RPS6KC1: variants seen among roughly 807,000 people sequenced by gnomAD.
The protein encoded by RPS6KC1 is inactive ribosomal protein S6 kinase delta-1.
RPS6KC1 carries 54 observed loss-of-function variants against 103.8 expected under a neutral mutation model. That is an observed-to-expected ratio of 0.52 (90% confidence interval 0.42 to 0.65). The LOEUF (loss-of-function observed/expected upper bound fraction) is 0.65, where lower values mean the gene tolerates loss of function less well. Ranked by LOEUF, RPS6KC1 falls within the 30% of genes least tolerant of loss-of-function variation. The probability of loss-of-function intolerance (pLI) is 0.00; values close to 1 mark genes in which losing one functional copy is unlikely to be tolerated. For missense variants in RPS6KC1, 1,151 were observed against 1,253.8 expected, an observed-to-expected ratio of 0.92 and a Z score of 1.24; for synonymous variants, 439 against 438.7, an observed-to-expected ratio of 1.00 and a Z score of -0.01.
the RPS6KC1 span, among the ~76,000 whole-genome samples, chr1:213,404,152 G>A: frequency 9.2e-5 from 14 of 152,168 alleles, no homozygotes; most frequent in Non-Finnish European, 2.1e-4. Context: ...AGTGAGTGGG[G>A]CCCACCTTGA....
At chr1:213,319,632 T>C in the RPS6KC1 span, among the ~76,000 whole-genome samples, 2 of 152,302 alleles carry the variant, frequency 1.3e-5, no homozygotes, top group South Asian at 2.1e-4. Flanking sequence ...CACTGGATGG[T>C]TGGGAAATTT....
the RPS6KC1 span, among the ~76,000 whole-genome samples, chr1:213,682,250 T>G: frequency 2.0e-5 from 3 of 152,226 alleles, no homozygotes; most frequent in Non-Finnish European, 2.9e-5. Flanking sequence ...TCAAAGTCCA[T>G]TCTTCTCCGT....
chr1:213,371,071 A>C, the RPS6KC1 span, among the ~76,000 whole-genome samples: 2 of 152,156 alleles, frequency 1.3e-5, no homozygotes, highest in Non-Finnish European at 2.9e-5. Context: ...TCCTTCTTGC[A>C]CAACTGCAAC....
At chr1:213,618,628 C>T in the RPS6KC1 span, among the ~76,000 whole-genome samples, 27 of 152,244 alleles carry the variant, frequency 1.8e-4, no homozygotes, top group East Asian at 1.2e-3. Flanking sequence ...GTGGCCTTTC[C>T]GCAACCTTCT....
chr1:213,268,249 A>C (rs912839830), intron 14 of RPS6KC1, among the ~76,000 whole-genome samples: 1 of 151,988 alleles, frequency 6.6e-6, no homozygotes, highest in South Asian at 2.1e-4. Flanking sequence ...AAAAACATGG[A>C]GATCAGAAGA....
At chr1:213,169,448 A>C (rs994504734) in intron 7 of RPS6KC1, among the ~76,000 whole-genome samples, 1 of 152,208 alleles carries the variant, frequency 6.6e-6, no homozygotes, top group Non-Finnish European at 1.5e-5. Context: ...ATTGTGAATT[A>C]CTGCGACTCT....
At chr1:213,699,057 C>G in the RPS6KC1 span, among the ~76,000 whole-genome samples, 7,923 of 152,140 alleles carry the variant, frequency 0.052, 293 homozygotes, top group Middle Eastern at 0.14. Context: ...TACAAACAGT[C>G]CAATTATACT....
chr1:213,678,284 C>T, the RPS6KC1 span, among the ~76,000 whole-genome samples: 1 of 152,320 alleles, frequency 6.6e-6, no homozygotes, highest in African/African-American at 2.4e-5. Context: ...TGTTCAGAAG[C>T]TTGCAGACAC....
chr1:213,706,422 A>G, the RPS6KC1 span, among the ~76,000 whole-genome samples: 3 of 152,142 alleles, frequency 2.0e-5, no homozygotes, highest in Non-Finnish European at 4.4e-5. Context: ...TCTTGGCAAC[A>G]TGCCACCTCT....
At chr1:213,167,181 A>G (rs192676488) in intron 6 of RPS6KC1, among the ~76,000 whole-genome samples, 1 of 152,120 alleles carries the variant, frequency 6.6e-6, no homozygotes, top group African/African-American at 2.4e-5. Flanking sequence ...AGGGACTGAT[A>G]TCTGAAACAA....
At chr1:213,159,973 A>T (rs760523582) in intron 6 of RPS6KC1, among the ~76,000 whole-genome samples, 1 of 152,226 alleles carries the variant, frequency 6.6e-6, no homozygotes, top group Non-Finnish European at 1.5e-5. Context: ...TAGTTCTGAC[A>T]GGTTATTAGG....
At chr1:213,480,787 A>T in the RPS6KC1 span, among the ~76,000 whole-genome samples, 1 of 152,100 alleles carries the variant, frequency 6.6e-6, no homozygotes, top group Non-Finnish European at 1.5e-5. Context: ...ATAGGTTCTT[A>T]TCAGGTTAAG....
At chr1:213,185,005 A>G (rs2092457468) in intron 8 of RPS6KC1, among the ~76,000 whole-genome samples, 1 of 152,112 alleles carries the variant, frequency 6.6e-6, no homozygotes, top group Non-Finnish European at 1.5e-5. Flanking sequence ...GGCCTATTAG[A>G]TTTAGTGTGT....
chr1:213,170,525 T>C (rs2091388850), intron 7 of RPS6KC1, among the ~76,000 whole-genome samples: 1 of 152,230 alleles, frequency 6.6e-6, no homozygotes, highest in Non-Finnish European at 1.5e-5. Flanking sequence ...ATGTACATAG[T>C]TGAGCAAACA....
intron 6 of RPS6KC1, among the ~76,000 whole-genome samples, chr1:213,166,382 C>T: frequency 6.6e-6 from 1 of 151,964 alleles, no homozygotes; most frequent in East Asian, 1.9e-4. Context: ...AAATAGATAG[C>T]TTTTATTATG....
At chr1:213,100,337 G>A (rs1020503564) in intron 3 of RPS6KC1, among the ~76,000 whole-genome samples, 7 of 151,926 alleles carry the variant, frequency 4.6e-5, no homozygotes, top group African/African-American at 9.7e-5. Context: ...GACACCAGTC[G>A]TTTGATGTTT....
rs148881503 is a variant in RPS6KC1, at chr1:213,056,267, A to G, written c.105+4758A>G. ...TACCATTATCATTTCCACATTTTCA[A>G]TGAGGAAATTGAGGCACAGAGACGT... On this transcript the variant is annotated intron_variant, in intron 1 of 14. Coordinates refer to ENST00000366960, the MANE Select transcript of RPS6KC1 (RefSeq NM_012424.6). Among the ~76,000 whole-genome samples the G allele has an allele frequency of 5.3e-4, 80 of 152,230 alleles. No individual in the cohort carries two copies. In the East Asian group the frequency reaches 9.6e-3, roughly 18 times the overall value.
the RPS6KC1 span, among the ~76,000 whole-genome samples, chr1:213,763,515 C>G: frequency 5.3e-5 from 8 of 152,308 alleles, no homozygotes; most frequent in East Asian, 1.5e-3. Context: ...GAGCTCTATT[C>G]ATGGGACCTG....
rs1235721768 is a variant in RPS6KC1, at chr1:213,232,124, G to A, written c.1094G>A (p.Gly365Asp). 1.2e-6 allele frequency: 2 copies of A among 1,613,726 alleles called. No homozygotes were observed. The highest frequency in any genetic ancestry group is 1.7e-6 in the Non-Finnish European group (2 of 1,179,806). Reference sequence around the variant, plus strand: ...ACTGACCTTTTTGTTCTCTGTCAGGGTCTAAGGAAAAGCAGTGAATACAGC... The same window carrying A: ...ACTGACCTTTTTGTTCTCTGTCAGGATCTAAGGAAAAGCAGTGAATACAGC... ...TRTEQTFILK[G>D]LRKSSEYSRN... Residue 365 changes from glycine to aspartate, a missense_variant and splice_region_variant, in exon 10 of 15, where the codon GGT becomes GAT. Gly to Asp is a moderately conservative substitution (Grantham distance 94). Transcript: ENST00000366960.
Sources: allele counts gnomAD v4.1 joint callset (sites outside exome capture counted in the v4.1 genomes callset), GRCh38; gene constraint gnomAD v4.1.1; transcripts MANE v1.5; gene names NCBI Gene and HGNC (gene_info 2026-07-23, HGNC 2026-07-21).